Variants in RAB6B observed in about 807,000 individuals in gnomAD.
RAB6B encodes RAB6B, member RAS oncogene family, also known as ras-related protein Rab-6B.
A neutral mutation model predicts 31.2 loss-of-function variants in RAB6B; 7 were observed. The ratio of observed to expected loss-of-function variants is 0.22; its 90% CI spans 0.13 to 0.42. The LOEUF (loss-of-function observed/expected upper bound fraction) is 0.42. Among genes scored for constraint, RAB6B ranks in the 10% least tolerant of loss-of-function variants. The probability of loss-of-function intolerance (pLI) is 1.00; values close to 1 mark genes in which losing one functional copy is unlikely to be tolerated. For synonymous variants in RAB6B, 105 were observed against 104.9 expected, an observed-to-expected ratio of 1.00 and a Z score of -0.01; for missense variants, 149 against 280.6, an observed-to-expected ratio of 0.53 and a Z score of 3.35.
In RAB6B at chr3:133,824,382, C is replaced by CCAAT. The variant is rs1340769493; in HGVS notation, c.*4402_*4405dup. ...TTGCCACCCTCTGTGCTCCTCACAG[C>CCAAT]CAATCACTTTAAAGGGATGGGTGAG... is the stretch of plus-strand genomic sequence containing the variant. On this transcript the variant is annotated 3_prime_UTR_variant, in exon 8 of 8. Transcript: ENST00000285208. The CCAAT allele has an allele frequency of 3.9e-5, 6 of 152,206 alleles. No homozygotes were observed. The highest frequency in any genetic ancestry group is 2.1e-4 in the South Asian group (1 of 4,834). 9.4% of individuals were successfully genotyped at this position (152,206 alleles called of 1,614,324 possible).
chr3:133,827,697 T>A lies in RAB6B; in HGVS notation c.*1091A>T. The A allele has an allele frequency of 3.4e-6, 2 of 581,190 alleles. No homozygotes were observed. The highest frequency in any genetic ancestry group is 6.1e-6 in the Non-Finnish European group (2 of 328,870). 36.0% of individuals were successfully genotyped at this position (581,190 alleles called of 1,614,324 possible). A position where few individuals can be genotyped will look rare whatever the true frequency, so the allele number is the denominator to read the frequency against. On this transcript the variant is annotated 3_prime_UTR_variant, in exon 8 of 8. Transcript: ENST00000285208. ...GAAAGCACTCAACAATATTAGCAGC[T>A]GAGGCTCTAAGAACATGGATCTTTC...
In RAB6B at chr3:133,895,462, G is replaced by C; in HGVS notation, c.5C>G (p.Ser2Cys). The C allele has an allele frequency of 6.2e-7, 1 of 1,611,684 alleles. No homozygotes were observed. Among genetic ancestry groups the C allele is most frequent in the Non-Finnish European group, 8.5e-7 (1 of 1,178,962 alleles). The change falls in exon 1 of 8, where the codon TCC becomes TGC. Residue 2 changes from serine to cysteine, a missense_variant. Coordinates refer to ENST00000285208, the MANE Select transcript of RAB6B (RefSeq NM_016577.4). M[S>C]AGGDFGNPLR... ...TGGATTCCCAAAATCTCCCCCTGCGGACATGGTGCTGGCAGCCGGGGCCGG... is the reference window on the plus strand; with the variant it reads ...TGGATTCCCAAAATCTCCCCCTGCGCACATGGTGCTGGCAGCCGGGGCCGG...
chr3:133,840,266 AC>A (rs971315707), intron 4 of RAB6B, among the ~76,000 whole-genome samples: 1 of 151,374 alleles, frequency 6.6e-6, no homozygotes, highest in African/African-American at 2.4e-5. Context: ...GGGCAGCCTG[AC>A]CCCCCTCAGC....
intron 4 of RAB6B, among the ~76,000 whole-genome samples, chr3:133,840,709 C>A (rs567013600): frequency 1.3e-5 from 2 of 152,258 alleles, no homozygotes; most frequent in African/African-American, 4.8e-5. Flanking sequence ...CTCGGCCCCC[C>A]ACCCCCACCT....
chr3:133,832,047 G>A (rs1444039303), intron 7 of RAB6B, among the ~76,000 whole-genome samples: 1 of 152,210 alleles, frequency 6.6e-6, no homozygotes. Context: ...GGGAGGCCTT[G>A]AGCATGCTCT....
rs1935577394 is a variant in RAB6B, at chr3:133,827,106, C to A, written c.*1682G>T. ...GAGCTCTGGCATACAGCCTCCTAGG[C>A]AGAGGGTGTGTGGCAGGCCCACTGC... On this transcript the variant is annotated 3_prime_UTR_variant, in exon 8 of 8. Coordinates refer to ENST00000285208, the MANE Select transcript of RAB6B (RefSeq NM_016577.4). 1 of 152,592 alleles carries A rather than the reference C, an allele frequency of 6.6e-6. No individual in the cohort carries two copies. The highest frequency in any genetic ancestry group is 6.5e-5 in the Admixed American group (1 of 15,290). 9.5% of individuals were successfully genotyped at this position (152,592 alleles called of 1,614,324 possible).
intron 2 of RAB6B, among the ~76,000 whole-genome samples, chr3:133,850,960 C>T (rs1935975969): frequency 6.7e-6 from 1 of 148,850 alleles, no homozygotes; most frequent in African/African-American, 2.5e-5. Context: ...TGACGGCTGC[C>T]ATACTGGAAA....
chr3:133,857,837 C>T (rs1282083551), intron 2 of RAB6B, among the ~76,000 whole-genome samples: 3 of 150,170 alleles, frequency 2.0e-5, no homozygotes, highest in Non-Finnish European at 4.4e-5. Context: ...TTCCTCTTCT[C>T]TATGTAACCC....
rs1228160022 is a variant in RAB6B at position 133,885,593 on chromosome 3, G to A, written c.70+9804C>T. Reference sequence around the variant, plus strand: ...AACCTGAGCAGGTAGCAGAGAGGGAGGAGTCCGGAAGGGCTGCCAGCAGTC... The same window carrying A: ...AACCTGAGCAGGTAGCAGAGAGGGAAGAGTCCGGAAGGGCTGCCAGCAGTC... On this transcript the variant is annotated intron_variant, in intron 1 of 7. Transcript: ENST00000285208. 5.7e-6 allele frequency: 4 copies of A among 703,066 alleles called. No individual in the cohort carries two copies. The Admixed American group carries it at 8.0e-5, about 14-fold the overall frequency. The allele number at this position is 703,066 out of a possible 1,614,324, so 43.6% of individuals were successfully genotyped here.
intron 1 of RAB6B, among the ~76,000 whole-genome samples, chr3:133,871,744 G>C (rs758837755): frequency 3.9e-5 from 6 of 152,280 alleles, no homozygotes; most frequent in Non-Finnish European, 7.3e-5. Context: ...ACATTAGCCA[G>C]AGACTGCACG....
At chr3:133,890,310 G>A (rs937446784) in intron 1 of RAB6B, among the ~76,000 whole-genome samples, 1 of 152,036 alleles carries the variant, frequency 6.6e-6, no homozygotes, top group African/African-American at 2.4e-5. Context: ...GCATGACCAA[G>A]GTTACATGAT....
intron 4 of RAB6B, among the ~76,000 whole-genome samples, chr3:133,840,108 T>C (rs1477299595): frequency 1.3e-5 from 2 of 151,750 alleles, no homozygotes; most frequent in Admixed American, 1.3e-4. Flanking sequence ...GTCCCCACCA[T>C]GGGAGCTCAG....
chr3:133,883,129 G>T (rs866706395), intron 1 of RAB6B, among the ~76,000 whole-genome samples: 1 of 152,216 alleles, frequency 6.6e-6, no homozygotes, highest in African/African-American at 2.4e-5. Flanking sequence ...ACTCACAGCA[G>T]CCCAGAGACA....
In RAB6B at chr3:133,851,074, A is replaced by C. The variant is rs372131738; in HGVS notation, c.130-9411T>G. Among the ~76,000 whole-genome samples, 346 of 152,206 alleles carry C rather than the reference A, an allele frequency of 2.3e-3. 2 individuals carry two copies. Among genetic ancestry groups the C allele is most frequent in the African/African-American group, 8.0e-3 (332 of 41,568 alleles). On this transcript the variant is annotated intron_variant, in intron 2 of 7. Transcript: ENST00000285208. ...CTAAATCCAGCAAAAATACTCTTCAAAAGTATGAAGAAATAAAAATATTTT... is the reference window on the plus strand; with the variant it reads ...CTAAATCCAGCAAAAATACTCTTCACAAGTATGAAGAAATAAAAATATTTT...
At chr3:133,889,430 A>ATATATATATATATG (rs1936603831) in intron 1 of RAB6B, among the ~76,000 whole-genome samples, 1 of 62,842 alleles carries the variant, frequency 1.6e-5, no homozygotes, top group Non-Finnish European at 3.1e-5. Flanking sequence ...ATATATATAT[A>ATATATATATATATG]TATATATATA....
chr3:133,849,732 G>T (rs1358108922), intron 2 of RAB6B, among the ~76,000 whole-genome samples: 2 of 152,076 alleles, frequency 1.3e-5, no homozygotes, highest in Non-Finnish European at 2.9e-5. Context: ...TATTTCTGGG[G>T]GTCACAAACT....
chr3:133,863,841 G>A (rs1936196629), intron 2 of RAB6B, among the ~76,000 whole-genome samples: 1 of 152,172 alleles, frequency 6.6e-6, no homozygotes, highest in Non-Finnish European at 1.5e-5. Context: ...AAATGATTAA[G>A]TTTGGTGCCT....
Position 133,827,649 on chromosome 3 carries a change from A to T in RAB6B, c.*1139T>A, listed in dbSNP as rs1935587119. On this transcript the variant is annotated 3_prime_UTR_variant, in exon 8 of 8. Transcript: ENST00000285208. ...TGCGCCATGCCACTGGGGTGAAAAC[A>T]TAGCAACAAATCAGCTTTTCCAGAA... 2 of 544,318 alleles carry T rather than the reference A, an allele frequency of 3.7e-6. No individual in the cohort carries two copies. Among genetic ancestry groups the T allele is most frequent in the South Asian group, 4.6e-5 (2 of 43,114 alleles). The allele number at this position is 544,318 out of a possible 1,614,324, so 33.7% of individuals were successfully genotyped here. A position where few individuals can be genotyped will look rare whatever the true frequency, so the allele number is the denominator to read the frequency against.
At chr3:133,866,673 T>C (rs1936240775) in intron 1 of RAB6B, among the ~76,000 whole-genome samples, 1 of 152,236 alleles carries the variant, frequency 6.6e-6, no homozygotes, top group East Asian at 1.9e-4. Flanking sequence ...AGGTGAGAAG[T>C]AGGGGGCCTC....
Sources: gnomAD v4.1 joint callset for allele counts (sites outside exome capture counted in the v4.1 genomes callset) on GRCh38, gnomAD v4.1.1 for gene constraint, MANE v1.5 for transcripts, NCBI Gene and HGNC (gene_info 2026-07-23, HGNC 2026-07-21) for gene names.